Variants in CD48 observed in about 807,000 individuals in gnomAD.
The protein encoded by CD48 is CD48 molecule.
A neutral mutation model predicts 22.0 loss-of-function variants in CD48; 20 were observed. That is an observed-to-expected ratio of 0.91 (90% CI 0.64 to 1.32). The LOEUF is 1.32. Ranked by LOEUF, CD48 falls within the 40% of genes most tolerant of loss-of-function variation. CD48 has a pLI of 0.00. For synonymous variants in CD48, 110 were observed against 110.1 expected, an observed-to-expected ratio of 1.00 and a Z score of 0.01; for missense variants, 307 against 286.5, an observed-to-expected ratio of 1.07 and a Z score of -0.52.
chr1:160,692,783 C>A (rs371136927), intron 1 of CD48, among the ~76,000 whole-genome samples: 3,248 of 152,202 alleles, frequency 0.021, 32 homozygotes, highest in Middle Eastern at 0.037. Flanking sequence ...AGAGGGAGAG[C>A]CTCTCACAGT....
intron 2 of CD48, among the ~76,000 whole-genome samples, chr1:160,681,772 C>G (rs746336551): frequency 5.9e-5 from 9 of 152,098 alleles, no homozygotes; most frequent in Non-Finnish European, 1.0e-4. Context: ...AACGAACAGC[C>G]CAGAGACTTG....
intron 1 of CD48, among the ~76,000 whole-genome samples, chr1:160,690,527 A>T (rs533965133): frequency 6.6e-6 from 1 of 152,184 alleles, no homozygotes; most frequent in Non-Finnish European, 1.5e-5. Flanking sequence ...TGGCATTGAC[A>T]TGAGTGAGAT....
intron 3 of CD48, 158 bp downstream of exon 3, chr1:160,681,044 G>C: frequency 1.3e-6 from 2 of 1,495,218 alleles, no homozygotes; most frequent in Non-Finnish European, 1.8e-6. Context: ...GGTGGTGGTA[G>C]AGCTGGTGGC....
chr1:160,691,860 C>G lies in CD48; in HGVS notation c.83-6671G>C, dbSNP rs185224530. 1.1e-5 allele frequency: 4 copies of G among 354,892 alleles called. No homozygotes were observed. In the Admixed American group the frequency reaches 1.4e-4, roughly 12 times the overall value. 22.0% of individuals were successfully genotyped at this position (354,892 alleles called of 1,614,324 possible). On this transcript the variant is annotated intron_variant, in intron 1 of 3. Transcript: ENST00000368046. ...CCGAGTACATCTACAGTCAGCCTTACGGTAAGCTTGTGCACTCGGAAGAAG... is the reference window on the plus strand; with the variant it reads ...CCGAGTACATCTACAGTCAGCCTTAGGGTAAGCTTGTGCACTCGGAAGAAG...
chr1:160,704,022 A>G (rs1363220884), intron 1 of CD48, among the ~76,000 whole-genome samples: 1 of 152,194 alleles, frequency 6.6e-6, no homozygotes, highest in Non-Finnish European at 1.5e-5. Context: ...CCTGTAAAAA[A>G]AAAATGCTTT....
At chr1:160,686,492 T>G (rs1662004223) in intron 1 of CD48, 1 of 152,180 alleles carries the variant, frequency 6.6e-6, no homozygotes, top group Non-Finnish European at 1.5e-5. Flanking sequence ...AAGCTAATAT[T>G]TGTTAAGAAC....
intron 1 of CD48, chr1:160,686,687 C>T (rs1267191578): frequency 6.6e-6 from 1 of 152,160 alleles, no homozygotes; most frequent in African/African-American, 2.4e-5. Flanking sequence ...GGAGACATCA[C>T]ATGTCGGTAG....
rs1661952845 is a variant in CD48 at position 160,685,144 on chromosome 1, A to C, written c.128T>G (p.Leu43Arg). 1 of 1,612,424 alleles carries C rather than the reference A, an allele frequency of 6.2e-7. No individual in the cohort carries two copies. Among genetic ancestry groups the C allele is most frequent in the South Asian group, 1.1e-5 (1 of 91,072 alleles). ...CTCAGGCAGGCTCTCAGAGATGTTCAGAGTCACGTTGCTGCCGGAGACCAC... is the reference window on the plus strand; with the variant it reads ...CTCAGGCAGGCTCTCAGAGATGTTCCGAGTCACGTTGCTGCCGGAGACCAC... ...MTVVSGSNVT[L>R]NISESLPENY... is the part of the protein sequence containing the mutation. Residue 43 changes from leucine (L) to arginine (R), a missense_variant, in exon 2 of 4, where the codon CTG becomes CGG. Coordinates refer to ENST00000368046, the MANE Select transcript of CD48 (RefSeq NM_001778.4).
At position 160,679,110 on chromosome 1, in the gene CD48, C is replaced by T. The variant is rs772597104; in HGVS notation, c.674G>A (p.Trp225Ter). 1 of 1,614,116 alleles carries T rather than the reference C, an allele frequency of 6.2e-7. No individual in the cohort carries two copies. The highest frequency in any genetic ancestry group is 8.5e-7 in the Non-Finnish European group (1 of 1,179,992). The change falls in exon 4 of 4, where the codon TGG becomes TAG. Residue 225 changes from tryptophan (W) to a stop codon, truncating the protein, a stop_gained. Coordinates refer to ENST00000368046, the MANE Select transcript of CD48 (RefSeq NM_001778.4). LOFTEE classifies it low-confidence loss of function (END_TRUNC). The part of the protein sequence containing the change: ...CTLARSFGVE[W>*]IASWLVVTVP... ...CGTGACCACTAGCCAACTTGCAATC[C>T]ATTCTACTCCAAAGGACCGGGCTGA...
intron 1 of CD48, among the ~76,000 whole-genome samples, chr1:160,691,521 A>G (rs995098722): frequency 4.6e-5 from 7 of 152,122 alleles, no homozygotes; most frequent in Non-Finnish European, 8.8e-5. Flanking sequence ...CCCTCTCCCC[A>G]CTATTGTCTT....
At chr1:160,686,027 G>A (rs569840157) in intron 1 of CD48, among the ~76,000 whole-genome samples, 62 of 152,266 alleles carry the variant, frequency 4.1e-4, no homozygotes, top group African/African-American at 1.2e-3. Context: ...CCTTCCTCCC[G>A]TGTGTGGGTC....
intron 1 of CD48, among the ~76,000 whole-genome samples, chr1:160,691,496 G>A (rs1027705438): frequency 2.6e-5 from 4 of 152,114 alleles, no homozygotes; most frequent in East Asian, 1.9e-4. Flanking sequence ...CTTTGTTCAC[G>A]TGTTTGTCTG....
intron 1 of CD48, among the ~76,000 whole-genome samples, chr1:160,703,521 A>C (rs894136769): frequency 2.6e-5 from 4 of 152,144 alleles, no homozygotes; most frequent in Non-Finnish European, 5.9e-5. Flanking sequence ...TGGAGGTTTG[A>C]AGAGAGAAGA....
chr1:160,710,787 C>T (rs974977178), intron 1 of CD48, among the ~76,000 whole-genome samples: 7 of 152,140 alleles, frequency 4.6e-5, no homozygotes, highest in Admixed American at 1.3e-4. Flanking sequence ...ACACATTCTA[C>T]CTCATCTCCC....
intron 1 of CD48, among the ~76,000 whole-genome samples, chr1:160,687,087 G>A (rs1000489061): frequency 1.3e-5 from 2 of 152,066 alleles, no homozygotes; most frequent in Non-Finnish European, 2.9e-5. Context: ...CTGTTTATAA[G>A]CCTATACCTC....
chr1:160,698,257 G>C (rs199821077), intron 1 of CD48, among the ~76,000 whole-genome samples: 1 of 151,280 alleles, frequency 6.6e-6, no homozygotes, highest in East Asian at 2.0e-4. Flanking sequence ...TTAATTGGCA[G>C]CACCGTATTC....
chr1:160,693,357 C>T (rs987988593), intron 1 of CD48, among the ~76,000 whole-genome samples: 2 of 152,254 alleles, frequency 1.3e-5, no homozygotes, highest in Non-Finnish European at 2.9e-5. Context: ...TGTCAATCAG[C>T]CATTAAGCCA....
At chr1:160,690,841 A>G (rs958431120) in intron 1 of CD48, among the ~76,000 whole-genome samples, 17 of 152,202 alleles carry the variant, frequency 1.1e-4, no homozygotes, top group Admixed American at 9.8e-4. Flanking sequence ...AAAGAAGTAG[A>G]CATAGGAGAC....
chr1:160,709,324 C>T (rs1662884453), intron 1 of CD48, among the ~76,000 whole-genome samples: 1 of 152,138 alleles, frequency 6.6e-6, no homozygotes, highest in Non-Finnish European at 1.5e-5. Context: ...TCGGATTCCG[C>T]ATGTGTCACA....
Sources: allele counts gnomAD v4.1 joint callset (sites outside exome capture counted in the v4.1 genomes callset), GRCh38; gene constraint gnomAD v4.1.1; transcripts MANE v1.5; gene names NCBI Gene and HGNC (gene_info 2026-07-23, HGNC 2026-07-21).